DEAF1: variants seen among roughly 807,000 people sequenced by gnomAD.
The protein encoded by DEAF1 is DEAF1 transcription factor.
Under a neutral mutation model 58.9 loss-of-function variants are expected in DEAF1, and 53 were observed. That is an observed-to-expected ratio of 0.90 (90% CI 0.72 to 1.13). The LOEUF (loss-of-function observed/expected upper bound fraction) is 1.13, where lower values mean the gene tolerates loss of function less well. Ranked by LOEUF, DEAF1 falls within the 50% of genes most tolerant of loss-of-function variation. DEAF1 has a pLI of 0.00. For missense variants in DEAF1, 685 were observed against 791.4 expected (o/e 0.87, Z 1.61); for synonymous variants, 385 against 340.4 (o/e 1.13, Z -1.44).
intron 11 of DEAF1, among the ~76,000 whole-genome samples, chr11:648,196 C>CTTT (rs540249896): frequency 0.055 from 6,808 of 123,326 alleles, 721 homozygotes; most frequent in African/African-American, 0.18. Context: ...TTATCACTGC[C>CTTT]TTTTTTTTTT....
At chr11:682,051 G>C (rs112573610) in intron 6 of DEAF1, among the ~76,000 whole-genome samples, 3 of 152,334 alleles carry the variant, frequency 2.0e-5, no homozygotes, top group African/African-American at 7.2e-5. Context: ...TATTACTCAG[G>C]TACGGAGCTG....
chr11:679,355 T>C (rs1169970089), intron 8 of DEAF1, among the ~76,000 whole-genome samples: 1 of 151,488 alleles, frequency 6.6e-6, no homozygotes, highest in Non-Finnish European at 1.5e-5. Context: ...TTTTCCTCAG[T>C]GTGGCTTCTA....
At chr11:686,660 C>T (rs958185556) in intron 5 of DEAF1, among the ~76,000 whole-genome samples, 198 bp downstream of exon 5, 13 of 152,240 alleles carry the variant, frequency 8.5e-5, no homozygotes, top group African/African-American at 2.9e-4. Context: ...TCACGATCAT[C>T]GTCATCCCCA....
intron 10 of DEAF1, among the ~76,000 whole-genome samples, chr11:657,547 G>T (rs1057072387): frequency 6.6e-6 from 1 of 152,134 alleles, no homozygotes; most frequent in South Asian, 2.1e-4. Context: ...TCTAGGAGAA[G>T]CCCCCCCACG....
intron 11 of DEAF1, 46 bp downstream of exon 11, chr11:653,916 C>T (rs769765067): frequency 1.0e-5 from 16 of 1,571,344 alleles, no homozygotes; most frequent in African/African-American, 1.4e-5. Context: ...GTCTTCGTAG[C>T]GAGGGAGGAG....
chr11:656,225 A>C (rs1859050204), intron 10 of DEAF1, among the ~76,000 whole-genome samples: 1 of 149,066 alleles, frequency 6.7e-6, no homozygotes, highest in Non-Finnish European at 1.5e-5. Flanking sequence ...GCACGATCTC[A>C]GCTCATTGCA....
At chr11:691,201 G>A (rs1381647216) in intron 2 of DEAF1, among the ~76,000 whole-genome samples, 1 of 152,254 alleles carries the variant, frequency 6.6e-6, no homozygotes, top group African/African-American at 2.4e-5. Flanking sequence ...CTCGGGCAGA[G>A]GCTGAACTGT....
At chr11:703,964 G>T in intron 1 of DEAF1, 2 of 1,235,118 alleles carry the variant, frequency 1.6e-6, no homozygotes, top group Non-Finnish European at 1.0e-6. Context: ...CCCATTCCCA[G>T]ATTTACTATC....
At chr11:683,575 C>CT (rs899295997) in intron 6 of DEAF1, among the ~76,000 whole-genome samples, 16 of 152,232 alleles carry the variant, frequency 1.1e-4, no homozygotes, top group Admixed American at 9.2e-4. Flanking sequence ...ACTGTTTTGG[C>CT]TTTTTTGTTT....
At chr11:677,252 G>C (rs1860124906) in intron 9 of DEAF1, among the ~76,000 whole-genome samples, 1 of 151,830 alleles carries the variant, frequency 6.6e-6, no homozygotes, top group African/African-American at 2.4e-5. Context: ...TGTAATCCAA[G>C]CACTTTGGGA....
intron 1 of DEAF1, chr11:702,863 A>C (rs890079268): frequency 7.2e-7 from 1 of 1,381,038 alleles, no homozygotes; most frequent in African/African-American, 1.4e-5. Context: ...CTCTGGTCCC[A>C]GCAGCCCTCC....
chr11:647,654 G>A (rs1309477647), intron 11 of DEAF1, among the ~76,000 whole-genome samples: 1 of 152,234 alleles, frequency 6.6e-6, no homozygotes, highest in Non-Finnish European at 1.5e-5. Context: ...AGGGGGACAA[G>A]CCAGGAGGGC....
Position 678,713 on chromosome 11 carries a change from T to C in DEAF1, c.1236A>G (p.Pro412=). The C allele has an allele frequency of 6.2e-7, 1 of 1,614,148 alleles. No homozygotes were observed. The change falls in exon 9 of 12, where the codon CCA becomes CCG. Residue 412 remains proline, a synonymous_variant. Transcript: ENST00000382409. Reference sequence around the variant, plus strand: ...ACCTACCTATTTTGGGATGTGACGTTGGCAACGCAGCTTCTGGAAACGGTG... The same window carrying C: ...ACCTACCTATTTTGGGATGTGACGTCGGCAACGCAGCTTCTGGAAACGGTG... The part of the protein sequence containing the change: ...QIAPFPEAAL[P]TSHPKIVLTS...
rs1779510597 is a variant in DEAF1 at position 647,602 on chromosome 11, T to TGGGG, written c.1594-2952_1594-2949dup. 5.9e-5 allele frequency among the ~76,000 whole-genome samples: 9 copies of TGGGG among 152,106 alleles called. No individual in the cohort carries two copies. The South Asian group carries it at 1.9e-3, about 31-fold the overall frequency. ...CCTCACAAATGAAAATAATGATGCG[T>TGGGG]GGGGCTTGCTTTAAAATGCTCAGCC... On this transcript the variant is annotated intron_variant, in intron 11 of 11. Coordinates refer to ENST00000382409, the MANE Select transcript of DEAF1 (RefSeq NM_021008.4).
At position 677,533 on chromosome 11, in the gene DEAF1, GA is replaced by G. The variant is rs1860134900; in HGVS notation, c.1255+1160del. 1.9e-5 allele frequency among the ~76,000 whole-genome samples: 2 copies of G among 107,334 alleles called. 1 individual carries two copies. The highest frequency in any genetic ancestry group is 4.4e-5 in the Non-Finnish European group (2 of 45,926). The allele number at this position is 107,334 out of a possible 152,430, so 70.4% of individuals were successfully genotyped here. A position where few individuals can be genotyped will look rare whatever the true frequency, so the allele number is the denominator to read the frequency against. ...AATAATGAAACAAGCAAATGAAAAT[GA>G]AAAGGTAAGTTTTTCATGAACAAGT... On this transcript the variant is annotated intron_variant, in intron 9 of 11. Coordinates refer to ENST00000382409, the MANE Select transcript of DEAF1 (RefSeq NM_021008.4).
intron 1 of DEAF1, among the ~76,000 whole-genome samples, chr11:705,768 C>T (rs1032945395): frequency 3.3e-5 from 5 of 152,210 alleles, no homozygotes; most frequent in Non-Finnish European, 7.4e-5. Context: ...TCTGACCTCC[C>T]CAGGGCTGGA....
At chr11:647,323 G>A (rs1360202031) in intron 11 of DEAF1, among the ~76,000 whole-genome samples, 2 of 152,008 alleles carry the variant, frequency 1.3e-5, no homozygotes, top group South Asian at 2.1e-4. Context: ...ACGTGGTGGC[G>A]GGTGCCTGTA....
intron 11 of DEAF1, among the ~76,000 whole-genome samples, chr11:645,784 C>T (rs770174399): frequency 2.6e-5 from 4 of 152,208 alleles, no homozygotes; most frequent in Non-Finnish European, 5.9e-5. Context: ...CGGAATGGAG[C>T]AGAGCTCTAG....
In DEAF1 at chr11:701,133, A is replaced by G. The variant is rs561803235; in HGVS notation, c.-438+5439T>C. 59 of 206,490 alleles carry G rather than the reference A, an allele frequency of 2.9e-4. 1 individual carries two copies. The highest frequency in any genetic ancestry group is 1.3e-3 in the African/African-American group (58 of 43,664). The allele number at this position is 206,490 out of a possible 1,614,324, so 12.8% of individuals were successfully genotyped here. A position where few individuals can be genotyped will look rare whatever the true frequency, so the allele number is the denominator to read the frequency against. On this transcript the variant is annotated intron_variant, in intron 1 of 11. Coordinates refer to the DEAF1 transcript ENST00000683307. ...AGAGTCTGGAGGGGTGGGAGCCCCCAGCCTCCCCACTCCAGCTCTAGGGAT... is the reference window on the plus strand; with the variant it reads ...AGAGTCTGGAGGGGTGGGAGCCCCCGGCCTCCCCACTCCAGCTCTAGGGAT...
Sources: gnomAD v4.1 joint callset for allele counts (sites outside exome capture counted in the v4.1 genomes callset) on GRCh38, gnomAD v4.1.1 for gene constraint, MANE v1.5 for transcripts, NCBI Gene and HGNC (gene_info 2026-07-23, HGNC 2026-07-21) for gene names.